The following HUWE1 variants were observed in gnomAD, a reference collection of about 807,000 sequenced individuals.
HUWE1 encodes E3 ubiquitin-protein ligase HUWE1.
A neutral mutation model predicts 299.4 loss-of-function variants in HUWE1; 18 were observed. The ratio of observed to expected loss-of-function variants is 0.06; its 90% CI spans 0.04 to 0.09. The LOEUF (loss-of-function observed/expected upper bound fraction) is 0.09, where lower values mean the gene tolerates loss of function less well. HUWE1 is among the 10% of genes least tolerant of loss of function. The pLI, the probability that HUWE1 is intolerant of heterozygous loss-of-function variation, is 1.00. For synonymous variants in HUWE1, 1,317 were observed against 1,286.1 expected, an observed-to-expected ratio of 1.02 and a Z score of -0.51; for missense variants, 1,832 against 3,462.3, an observed-to-expected ratio of 0.53 and a Z score of 11.82.
intron 19 of HUWE1, among the ~76,000 whole-genome samples, chrX:53,620,660 G>A (rs1557011631): frequency 1.8e-5 from 2 of 111,695 alleles, no homozygotes; most frequent in African/African-American, 6.5e-5. Context: ...CTCTTTTGCC[G>A]ATTGCCTTAG....
At chrX:53,606,283 G>A (rs972996626) in intron 25 of HUWE1, among the ~76,000 whole-genome samples, 1 of 111,462 alleles carries the variant, frequency 9.0e-6, no homozygotes, top group Non-Finnish European at 1.9e-5. Flanking sequence ...CAAATAACAC[G>A]ATTAAAAAAG....
rs1164098838 is a variant in HUWE1, at chrX:53,614,974, T to C, written c.2050-229A>G. Among the ~76,000 whole-genome samples the C allele has an allele frequency of 2.7e-4, 29 of 107,475 alleles. No individual in the cohort carries two copies. In the Admixed American group the frequency reaches 3.0e-3, roughly 11 times the overall value. The allele number at this position is 107,475 out of a possible 115,157, so 93.3% of individuals were successfully genotyped here. A position where few individuals can be genotyped will look rare whatever the true frequency, so the allele number is the denominator to read the frequency against. On this transcript the variant is annotated intron_variant, in intron 22 of 83. Coordinates refer to ENST00000262854, the MANE Select transcript of HUWE1 (RefSeq NM_031407.7). ...GTTGAGCGTCACACGGCTGTATAAGTGACTGACGAACCTGACTCCCTGTCC... is the reference window on the plus strand; with the variant it reads ...GTTGAGCGTCACACGGCTGTATAAGCGACTGACGAACCTGACTCCCTGTCC...
Position 53,537,576 on chromosome X carries a change from G to A in HUWE1, c.12117C>T (p.Pro4039=), listed in dbSNP as rs782184175. Residue 4039 remains proline, a synonymous_variant, in exon 78 of 84, where the codon CCC becomes CCT. Coordinates refer to ENST00000262854, the MANE Select transcript of HUWE1 (RefSeq NM_031407.7). ...CTTACAATCGATTCTTCATTTCTTC[G>A]GGGGATTTGCGATGCAGCTCACGAT... is the stretch of plus-strand genomic sequence containing the variant. The part of the protein sequence containing the change: ...DSYRELHRKS[P]EEMKNRLYIV... The A allele has an allele frequency of 8.4e-5, 102 of 1,208,633 alleles. No individual in the cohort carries two copies. The highest frequency in any genetic ancestry group is 5.6e-4 in the East Asian group (19 of 33,734).
intron 31 of HUWE1, among the ~76,000 whole-genome samples, 184 bp from the exon 32 acceptor site, chrX:53,593,785 C>T (rs1472741147): frequency 8.9e-6 from 1 of 112,267 alleles, no homozygotes; most frequent in Non-Finnish European, 1.9e-5. Context: ...GCCTCTCCTC[C>T]GTTACTTTTT....
At position 53,589,661 on chromosome X, in the gene HUWE1, G is replaced by A. The variant is rs1556976853; in HGVS notation, c.4347C>T (p.His1449=). The change falls in exon 36 of 84, where the codon CAC becomes CAT. Residue 1449 remains histidine (H), a synonymous_variant. Transcript: ENST00000262854. ...FTDTMLPGCF[H]LLDELPDTVY... ...CTGTGTCTGGCAGCTCATCAAGAAG[G>A]TGGAAGCAGCCTGGCAACATAGTAT... 1 of 1,211,703 alleles carries A rather than the reference G, an allele frequency of 8.3e-7. No individual in the cohort carries two copies. The highest frequency in any genetic ancestry group is 3.0e-5 in the East Asian group (1 of 33,856).
chrX:53,629,030 G>A, intron 13 of HUWE1, 128 bp from the exon 14 acceptor site: 1 of 553,266 alleles, frequency 1.8e-6, no homozygotes, highest in Non-Finnish European at 3.0e-6. Context: ...GGGGATGGAG[G>A]TCTGTTGAGA....
At chrX:53,588,570 G>T in intron 36 of HUWE1, 36 bp from the exon 37 acceptor site, 1 of 1,167,042 alleles carries the variant, frequency 8.6e-7, no homozygotes, top group Non-Finnish European at 1.2e-6. Flanking sequence ...TCACGGAACC[G>T]CAGAGCAAGA....
At chrX:53,537,286 T>C in intron 78 of HUWE1, 5 of 381,165 alleles carry the variant, frequency 1.3e-5, no homozygotes. Flanking sequence ...AAGCTCTCAT[T>C]GCAAAGCCAG....
At chrX:53,577,855 G>A (rs1439461892) in intron 43 of HUWE1, among the ~76,000 whole-genome samples, 8 of 113,837 alleles carry the variant, frequency 7.0e-5, no homozygotes, top group African/African-American at 2.2e-4. Flanking sequence ...GTGCAGTGGC[G>A]TGATCTCGGC....
rs782232112 is a variant in HUWE1, at chrX:53,623,381, C to A, written c.1672+1214G>T. 4.5e-5 allele frequency among the ~76,000 whole-genome samples: 5 copies of A among 111,438 alleles called. No homozygotes were observed. In the East Asian group the frequency reaches 1.1e-3, roughly 25 times the overall value. On this transcript the variant is annotated intron_variant, in intron 19 of 83. Coordinates refer to ENST00000262854, the MANE Select transcript of HUWE1 (RefSeq NM_031407.7). ...CAAATCTTAAAAAAAAACAAAAAAA[C>A]CCCAAAGAACTATTGTCTGAATTTT...
chrX:53,557,880 A>AT (rs2062102366), intron 59 of HUWE1, among the ~76,000 whole-genome samples: 1 of 111,817 alleles, frequency 8.9e-6, no homozygotes, highest in South Asian at 3.7e-4. Flanking sequence ...ATATAAAGAT[A>AT]TTTGTTAGAT....
intron 3 of HUWE1, among the ~76,000 whole-genome samples, chrX:53,668,189 A>G (rs2069341922): frequency 9.0e-6 from 1 of 110,538 alleles, no homozygotes; most frequent in Non-Finnish European, 1.9e-5. Flanking sequence ...CACCCCTATA[A>G]TCCTAGCACT....
intron 49 of HUWE1, among the ~76,000 whole-genome samples, chrX:53,566,133 G>GTGTATATATATATATATA (rs782815282): frequency 1.1e-3 from 41 of 38,957 alleles, no homozygotes; most frequent in Admixed American, 1.7e-3. Flanking sequence ...GTGTGTGTGT[G>GTGTATATATATATATATA]TATATATATA....
At chrX:53,548,302 T>C (rs2061628980) in intron 67 of HUWE1, 29 bp from the exon 68 acceptor site, 1 of 1,198,770 alleles carries the variant, frequency 8.3e-7, no homozygotes, top group Non-Finnish European at 1.1e-6. Context: ...CAAGGCTTGG[T>C]CTAGGACGTC....
chrX:53,599,382 G>A (rs1255438568), intron 29 of HUWE1, among the ~76,000 whole-genome samples: 3 of 111,796 alleles, frequency 2.7e-5, no homozygotes, highest in Non-Finnish European at 5.6e-5. Flanking sequence ...TTGCTTTTAC[G>A]AAGGGCCCCA....
chrX:53,584,263 C>T lies in HUWE1; in HGVS notation c.5084G>A (p.Ser1695Asn). 8.3e-7 allele frequency: 1 copy of T among 1,205,263 alleles called. No individual in the cohort carries two copies. Among genetic ancestry groups the T allele is most frequent in the Non-Finnish European group, 1.1e-6 (1 of 889,672 alleles). ...CGTCTTCTCTAGTTCCTGTCCATTGCTGTTTTTTGAATTTTTATTCAGCCG... is the reference window on the plus strand; with the variant it reads ...CGTCTTCTCTAGTTCCTGTCCATTGTTGTTTTTTGAATTTTTATTCAGCCG... ...VPRLNKNSKN[S>N]NGQELEKTLE... The change falls in exon 41 of 84, where the codon AGC (serine) becomes AAC (asparagine). Residue 1695 changes from serine (S) to asparagine (N), a missense_variant. Coordinates refer to ENST00000262854, the MANE Select transcript of HUWE1 (RefSeq NM_031407.7).
chrX:53,552,168 A>G lies in HUWE1; in HGVS notation c.8881+143T>C. On this transcript the variant is annotated intron_variant, in intron 63 of 83. Coordinates refer to ENST00000262854, the MANE Select transcript of HUWE1 (RefSeq NM_031407.7). ...GGCTGGACCCGTTTCATTATGCCAT[A>G]CCAGCACCCCCGCTTATTGTCAGTC... The G allele has an allele frequency of 6.2e-6, 4 of 648,758 alleles. No individual in the cohort carries two copies. The South Asian group carries it at 1.0e-4, about 16-fold the overall frequency. The allele number at this position is 648,758 out of a possible 1,213,427, so 53.5% of individuals were successfully genotyped here. A position where few individuals can be genotyped will look rare whatever the true frequency, so the allele number is the denominator to read the frequency against.
chrX:53,566,212 A>C (rs1391668443), intron 49 of HUWE1, among the ~76,000 whole-genome samples: 1 of 99,908 alleles, frequency 1.0e-5, no homozygotes, highest in African/African-American at 3.7e-5. Context: ...ACATCACACT[A>C]AAAGTAACCA....
At chrX:53,600,337 G>A in intron 28 of HUWE1, 28 bp from the exon 29 acceptor site, 2 of 1,079,386 alleles carry the variant, frequency 1.9e-6, no homozygotes, top group Non-Finnish European at 2.5e-6. Flanking sequence ...GGGAGCAATA[G>A]GACAATGTAG....
Sources: allele counts gnomAD v4.1 joint callset (sites outside exome capture counted in the v4.1 genomes callset), GRCh38; gene constraint gnomAD v4.1.1; transcripts MANE v1.5; gene names NCBI Gene and HGNC (gene_info 2026-07-23, HGNC 2026-07-21).